Variants in EXOSC2 observed in about 807,000 individuals in gnomAD.
EXOSC2 encodes exosome complex component RRP4.
A neutral mutation model predicts 37.6 loss-of-function variants in EXOSC2; 29 were observed. That is an observed-to-expected ratio of 0.77 (90% CI 0.57 to 1.05). EXOSC2 has a LOEUF of 1.05. Among genes scored for constraint, EXOSC2 ranks in the 50% least tolerant of loss-of-function variants. The pLI, the probability that EXOSC2 is intolerant of heterozygous loss-of-function variation, is 0.00. For missense variants in EXOSC2, 346 were observed against 365.6 expected, an observed-to-expected ratio of 0.95 and a Z score of 0.44; for synonymous variants, 119 against 131.1, an observed-to-expected ratio of 0.91 and a Z score of 0.63.
At chr9:130,697,986 G>A (rs1445510808) in intron 3 of EXOSC2, 176 bp from the exon 4 acceptor site, 2 of 591,420 alleles carry the variant, frequency 3.4e-6, no homozygotes, top group Admixed American at 5.9e-5. Context: ...TAGAGATGGG[G>A]TTTCATTATA....
rs754031561 is a variant in EXOSC2, at chr9:130,703,124, G to A, written c.744G>A (p.Arg248=). ...GCATCATCTCGCTGGTAACTCAGAG[G>A]ATGATGCTGTATGATACCAGCATCC... ...RNCIISLVTQ[R]MMLYDTSILY... The change falls in exon 8 of 9, where the codon AGG becomes AGA. Residue 248 remains arginine (R), a synonymous_variant. Coordinates refer to ENST00000372358, the MANE Select transcript of EXOSC2 (RefSeq NM_014285.7). 1.9e-6 allele frequency: 3 copies of A among 1,613,802 alleles called. No homozygotes were observed. The highest frequency in any genetic ancestry group is 3.3e-5 in the Admixed American group (2 of 59,988).
intron 2 of EXOSC2, 93 bp downstream of exon 2, chr9:130,695,686 G>C (rs1217286459): frequency 1.9e-6 from 2 of 1,040,864 alleles, no homozygotes; most frequent in Non-Finnish European, 2.9e-6. Context: ...CCCCACCCCT[G>C]CCTGCCCTGT....
chr9:130,702,672 G>A (rs1831244130), intron 7 of EXOSC2, among the ~76,000 whole-genome samples: 1 of 152,130 alleles, frequency 6.6e-6, no homozygotes, highest in African/African-American at 2.4e-5. Context: ...TCGGCTCACT[G>A]CAAGCTCCAC....
In EXOSC2 at chr9:130,698,140, AG is replaced by A; in HGVS notation, c.271-20del. ...ACACATGAACATGGAGCATGTGTCC[AG>A]GTGTGGAACTTGGCTTATAGGTTCA... On this transcript the variant is annotated intron_variant, in intron 3 of 8. Transcript: ENST00000372358. This position sits in a 1 kb window ranked among gnomAD's most constrained non-coding sequence, Gnocchi z 4.1. 1 of 1,605,970 alleles carries A rather than the reference AG, an allele frequency of 6.2e-7. No homozygotes were observed. Among genetic ancestry groups the A allele is most frequent in the Non-Finnish European group, 8.5e-7 (1 of 1,172,616 alleles).
chr9:130,700,570 G>C (rs2132638358), intron 5 of EXOSC2, among the ~76,000 whole-genome samples: 1 of 151,794 alleles, frequency 6.6e-6, no homozygotes, highest in South Asian at 2.1e-4. Context: ...TGTTGGTCAG[G>C]CTGGTCTAGA....
chr9:130,699,084 G>A (rs560407684), intron 4 of EXOSC2, among the ~76,000 whole-genome samples: 37 of 152,280 alleles, frequency 2.4e-4, no homozygotes, highest in Non-Finnish European at 4.6e-4. Context: ...GATTGGGAGG[G>A]GTCTGAATGT....
chr9:130,702,917 A>G lies in EXOSC2; in HGVS notation c.673-136A>G, dbSNP rs146338792. ...CCCATTCCTTTTAATCTCCCTTGGA[A>G]TTAGCTGTTTGGTTGATTTGGAGTT... On this transcript the variant is annotated intron_variant, in intron 7 of 8. Transcript: ENST00000372358. 1.1e-3 allele frequency: 1,157 copies of G among 1,040,438 alleles called. 9 individuals carry two copies. The African/African-American group carries it at 0.014, about 12-fold the overall frequency. 64.5% of individuals were successfully genotyped at this position (1,040,438 alleles called of 1,614,324 possible).
intron 7 of EXOSC2, among the ~76,000 whole-genome samples, chr9:130,702,750 A>G (rs1042606148): frequency 6.6e-6 from 1 of 152,124 alleles, no homozygotes; most frequent in African/African-American, 2.4e-5. Context: ...GTGCCCCACC[A>G]TGCTCTGCTA....
intron 1 of EXOSC2, among the ~76,000 whole-genome samples, chr9:130,695,025 T>C (rs1011437261): frequency 6.6e-6 from 1 of 152,126 alleles, no homozygotes; most frequent in Non-Finnish European, 1.5e-5. Context: ...TAGGAAATCT[T>C]AAGATTCATT....
At chr9:130,695,342 G>C in intron 1 of EXOSC2, 150 bp from the exon 2 acceptor site, 1 of 670,538 alleles carries the variant, frequency 1.5e-6, no homozygotes. Context: ...GTCTGGAGAA[G>C]GAGCACTGAA....
intron 6 of EXOSC2, chr9:130,701,674 A>T: frequency 1.3e-5 from 12 of 943,838 alleles, no homozygotes; most frequent in Non-Finnish European, 1.5e-5. Context: ...CTGTCCTGCC[A>T]GGACCAGACA....
At chr9:130,701,791 C>T (rs1002831285) in intron 6 of EXOSC2, 44 of 1,038,770 alleles carry the variant, frequency 4.2e-5, no homozygotes, top group Non-Finnish European at 4.9e-5. Context: ...CATGGAACAA[C>T]GCAGTGCTCC....
At position 130,698,135 on chromosome 9, in the gene EXOSC2, T is replaced by C. The variant is rs1389455930; in HGVS notation, c.271-27T>C. ...ATATGACACATGAACATGGAGCATG[T>C]GTCCAGGTGTGGAACTTGGCTTATA... On this transcript the variant is annotated intron_variant, in intron 3 of 8. Transcript: ENST00000372358. The surrounding 1 kb of genome is among the most constrained non-coding windows in gnomAD (Gnocchi z 4.1). 1 of 1,596,254 alleles carries C rather than the reference T, an allele frequency of 6.3e-7. No homozygotes were observed. Among genetic ancestry groups the C allele is most frequent in the Non-Finnish European group, 8.6e-7 (1 of 1,163,822 alleles).
rs1031051419 is a variant in EXOSC2, at chr9:130,694,719, A to T, written c.123-773A>T. On this transcript the variant is annotated intron_variant, in intron 1 of 8. Transcript: ENST00000372358. This position sits in a 1 kb window ranked among gnomAD's most constrained non-coding sequence, Gnocchi z 4.0. Reference sequence around the variant, plus strand: ...GTTTAAGGTTAGTGGATACCAGGAAATTTTTTTTTCTTTTTTGAGACGGAG... The same window carrying T: ...GTTTAAGGTTAGTGGATACCAGGAATTTTTTTTTTCTTTTTTGAGACGGAG... Among the ~76,000 whole-genome samples, 51 of 151,442 alleles carry T rather than the reference A, an allele frequency of 3.4e-4. No homozygotes were observed. Among genetic ancestry groups the T allele is most frequent in the Non-Finnish European group, 2.2e-4 (15 of 67,854 alleles).
At position 130,703,975 on chromosome 9, in the gene EXOSC2, G is replaced by T. The variant is rs951655091; in HGVS notation, c.*201G>T. 4.3e-5 allele frequency: 19 copies of T among 443,422 alleles called. No homozygotes were observed. Among genetic ancestry groups the T allele is most frequent in the African/African-American group, 3.2e-4 (16 of 49,962 alleles). 27.5% of individuals were successfully genotyped at this position (443,422 alleles called of 1,614,324 possible). On this transcript the variant is annotated 3_prime_UTR_variant, in exon 9 of 9. Transcript: ENST00000372358. ...GTGGCAGATGAACAGTGCTTCCTTG[G>T]GTTGCCAGCTGAGTCCCGGTATTAG...
chr9:130,695,103 T>A (rs1201066667), intron 1 of EXOSC2, among the ~76,000 whole-genome samples: 1 of 152,236 alleles, frequency 6.6e-6, no homozygotes, highest in Admixed American at 6.5e-5. Flanking sequence ...AAAATCTCTG[T>A]CCTGGTGGAG....
intron 6 of EXOSC2, 66 bp from the exon 7 acceptor site, chr9:130,702,068 T>C: frequency 6.4e-7 from 1 of 1,561,424 alleles, no homozygotes; most frequent in Middle Eastern, 1.8e-4. Context: ...ATGTATATTC[T>C]GTAGTCTCCT....
intron 5 of EXOSC2, among the ~76,000 whole-genome samples, chr9:130,700,064 T>C (rs929851325): frequency 6.6e-6 from 1 of 152,134 alleles, no homozygotes; most frequent in Non-Finnish European, 1.5e-5. Flanking sequence ...CTTGCTCTGT[T>C]GCCCAGACTG....
chr9:130,702,418 C>A, intron 7 of EXOSC2, 108 bp downstream of exon 7: 1 of 871,082 alleles, frequency 1.1e-6, no homozygotes, highest in Non-Finnish European at 1.8e-6. Flanking sequence ...CTGGTGTAGG[C>A]TGAGTCACTT....
Sources: gnomAD v4.1 joint callset for allele counts (sites outside exome capture counted in the v4.1 genomes callset) on GRCh38, gnomAD v4.1.1 for gene constraint, Gnocchi (gnomAD v3.1) non-coding constraint, MANE v1.5 for transcripts, NCBI Gene and HGNC (gene_info 2026-07-23, HGNC 2026-07-21) for gene names.